The following C14orf180 variants were observed in gnomAD, a reference collection of about 807,000 sequenced individuals.
C14orf180 encodes the protein nutritionally-regulated adipose and cardiac enriched protein homolog.
Under a neutral mutation model 13.9 loss-of-function variants are expected in C14orf180, and 13 were observed. The observed-to-expected ratio is 0.94, with a 90% CI of 0.61 to 1.49. The LOEUF is 1.49. Ranked by LOEUF, C14orf180 falls within the 40% of genes most tolerant of loss-of-function variation. C14orf180 has a pLI of 0.00. For missense variants in C14orf180, 238 were observed against 232.0 expected (o/e 1.03, Z -0.17); for synonymous variants, 113 against 106.3 (o/e 1.06, Z -0.39).
At chr14:104,587,923 A>G (rs9788527) in intron 3 of C14orf180, 45 bp downstream of exon 3, 221,845 of 1,567,496 alleles carry the variant, frequency 0.14, 28,373 homozygotes, top group African/African-American at 0.56. Context: ...GGTGGAGTCA[A>G]GCAGAGGGAG....
chr14:104,588,247 C>A (rs769814414), intron 3 of C14orf180, 27 bp from the exon 4 acceptor site: 2 of 1,613,678 alleles, frequency 1.2e-6, no homozygotes, highest in Non-Finnish European at 1.7e-6. Flanking sequence ...CAGGTGCCCC[C>A]AGCTGACTCT....
intron 1 of C14orf180, among the ~76,000 whole-genome samples, chr14:104,585,543 G>A (rs1886587112): frequency 6.6e-6 from 1 of 152,254 alleles, no homozygotes; most frequent in Non-Finnish European, 1.5e-5. Context: ...AGACACGGGG[G>A]TGGAGGCGAG....
chr14:104,587,392 G>T (rs565845881), intron 2 of C14orf180, among the ~76,000 whole-genome samples: 1 of 152,158 alleles, frequency 6.6e-6, no homozygotes, highest in African/African-American at 2.4e-5. Context: ...CTTAGCCAGA[G>T]CCCCTCTGCC....
chr14:104,582,758 C>T (rs952558115), intron 1 of C14orf180, among the ~76,000 whole-genome samples: 4 of 152,208 alleles, frequency 2.6e-5, no homozygotes, highest in African/African-American at 7.2e-5. Flanking sequence ...AGAGTCCCCT[C>T]GGGTGGACGC....
intron 2 of C14orf180, among the ~76,000 whole-genome samples, 182 bp from the exon 3 acceptor site, chr14:104,587,567 C>A (rs985706740): frequency 6.6e-5 from 10 of 151,820 alleles, no homozygotes; most frequent in Non-Finnish European, 1.0e-4. Flanking sequence ...GTCTGGCTGC[C>A]CTGCAGTCCC....
chr14:104,587,170 G>A (rs943676417), intron 2 of C14orf180, among the ~76,000 whole-genome samples: 7 of 152,146 alleles, frequency 4.6e-5, no homozygotes, highest in Non-Finnish European at 8.8e-5. Flanking sequence ...ACAGCAGCCC[G>A]AAACTCCCAC....
intron 3 of C14orf180, 63 bp from the exon 4 acceptor site, chr14:104,588,211 G>A (rs956474996): frequency 4.5e-5 from 72 of 1,603,198 alleles, no homozygotes; most frequent in Non-Finnish European, 5.8e-5. Context: ...TGAGACGAGA[G>A]GGCGGGGGCG....
At position 104,588,947 on chromosome 14, in the gene C14orf180, T is replaced by C. The variant is rs1886748143; in HGVS notation, c.*164T>C. The C allele has an allele frequency of 7.3e-7, 1 of 1,377,354 alleles. No homozygotes were observed. The highest frequency in any genetic ancestry group is 9.4e-7 in the Non-Finnish European group (1 of 1,068,498). 85.3% of individuals were successfully genotyped at this position (1,377,354 alleles called of 1,614,324 possible). ...AAAAGGGGGACCCCGTGGCGTGAGA[T>C]CGGACATGGGGGGCACAGCAGGCGG... On this transcript the variant is annotated 3_prime_UTR_variant, in exon 5 of 5. Transcript: ENST00000557649.
chr14:104,583,192 GT>G (rs1403211851), intron 1 of C14orf180, among the ~76,000 whole-genome samples: 1 of 152,116 alleles, frequency 6.6e-6, no homozygotes, highest in Admixed American at 6.5e-5. Context: ...CGTGGCCCAC[GT>G]GAAGGTGCAT....
chr14:104,584,159 G>A (rs1406985919), intron 1 of C14orf180, among the ~76,000 whole-genome samples: 3 of 152,198 alleles, frequency 2.0e-5, no homozygotes, highest in Non-Finnish European at 4.4e-5. Context: ...ATCCCTGCGT[G>A]ACTCCGTCGG....
intron 1 of C14orf180, among the ~76,000 whole-genome samples, chr14:104,585,386 C>A (rs1886581107): frequency 6.6e-6 from 1 of 152,220 alleles, no homozygotes; most frequent in African/African-American, 2.4e-5. Flanking sequence ...ACACCTGCAC[C>A]TGCACAGATG....
chr14:104,584,441 G>A (rs925361148), intron 1 of C14orf180, among the ~76,000 whole-genome samples: 7 of 152,180 alleles, frequency 4.6e-5, no homozygotes, highest in Non-Finnish European at 8.8e-5. Flanking sequence ...CCCACCCAGG[G>A]TGGAAACTGA....
At position 104,587,864 on chromosome 14, in the gene C14orf180, C is replaced by A. The variant is rs141850398; in HGVS notation, c.227C>A (p.Ala76Glu). Residue 76 changes from alanine to glutamate, a missense_variant, in exon 3 of 5, where the codon GCG (alanine) becomes GAG (glutamate). Transcript: ENST00000557649. Reference sequence around the variant, plus strand: ...CGCGTGTGGTTCCGAGAACCCCCAGCGGTGACCGTCCACTGTAAGAGGGCA... The same window carrying A: ...CGCGTGTGGTTCCGAGAACCCCCAGAGGTGACCGTCCACTGTAAGAGGGCA... The part of the protein sequence containing the change: ...SRRVWFREPP[A>E]VTVHYIADKN... 4.4e-6 allele frequency: 7 copies of A among 1,607,976 alleles called. No individual in the cohort carries two copies. The highest frequency in any genetic ancestry group is 1.7e-4 in the Middle Eastern group (1 of 6,034).
At chr14:104,580,863 A>G (rs1886410454) in intron 1 of C14orf180, among the ~76,000 whole-genome samples, 1 of 152,210 alleles carries the variant, frequency 6.6e-6, no homozygotes. Flanking sequence ...GGAGCTCTCG[A>G]GGCCTAGGGT....
At position 104,590,400 on chromosome 14, in the gene C14orf180, G is replaced by A. The variant is rs2140473580; in HGVS notation, c.*1617G>A. On this transcript the variant is annotated 3_prime_UTR_variant, in exon 5 of 5. Transcript: ENST00000557649. ...ACCCCTCCAGCCCCGGTTCTGACGGGGGACACCGCACAGGCCGATCTCCCC... is the reference window on the plus strand; with the variant it reads ...ACCCCTCCAGCCCCGGTTCTGACGGAGGACACCGCACAGGCCGATCTCCCC... 6.6e-6 allele frequency: 1 copy of A among 152,402 alleles called. No homozygotes were observed. Among genetic ancestry groups the A allele is most frequent in the African/African-American group, 2.4e-5 (1 of 41,586 alleles). 9.4% of individuals were successfully genotyped at this position (152,402 alleles called of 1,614,324 possible). A position where few individuals can be genotyped will look rare whatever the true frequency, so the allele number is the denominator to read the frequency against.
intron 1 of C14orf180, among the ~76,000 whole-genome samples, chr14:104,585,480 TG>T (rs904164036): frequency 1.3e-5 from 2 of 151,954 alleles, no homozygotes; most frequent in Admixed American, 1.3e-4. Context: ...AATTCACACT[TG>T]GGGGGCTCCA....
intron 1 of C14orf180, among the ~76,000 whole-genome samples, chr14:104,584,675 C>A (rs1403820333): frequency 1.3e-5 from 2 of 152,200 alleles, no homozygotes; most frequent in African/African-American, 2.4e-5. Context: ...CACAGCCACT[C>A]TCTGAGAGCA....
intron 1 of C14orf180, among the ~76,000 whole-genome samples, chr14:104,580,432 G>T (rs532243035): frequency 3.1e-4 from 47 of 152,284 alleles, no homozygotes; most frequent in Middle Eastern, 6.8e-3. Flanking sequence ...AGCTTCCAAA[G>T]GGCACCTGAT....
chr14:104,586,789 G>A (rs1302868510), intron 2 of C14orf180, among the ~76,000 whole-genome samples: 1 of 152,194 alleles, frequency 6.6e-6, no homozygotes, highest in African/African-American at 2.4e-5. Context: ...GGAAGTGGGA[G>A]CCATGGAGGG....
Sources: allele counts gnomAD v4.1 joint callset (sites outside exome capture counted in the v4.1 genomes callset), GRCh38; gene constraint gnomAD v4.1.1; transcripts MANE v1.5; gene names NCBI Gene and HGNC (gene_info 2026-07-23, HGNC 2026-07-21).